The following NAPB variants were observed in gnomAD, a reference collection of about 807,000 sequenced individuals.
NAPB encodes the protein beta-soluble NSF attachment protein.
Under a neutral mutation model 44.7 loss-of-function variants are expected in NAPB, and 26 were observed. The ratio of observed to expected loss-of-function variants is 0.58; its 90% confidence interval spans 0.43 to 0.81. NAPB has a LOEUF of 0.81. NAPB is among the 30% of genes least tolerant of loss of function. The pLI is 0.00. For missense variants in NAPB, 315 were observed against 356.4 expected, an observed-to-expected ratio of 0.88 and a Z score of 0.94; for synonymous variants, 120 against 116.8, an observed-to-expected ratio of 1.03 and a Z score of -0.18.
At chr20:23,399,280 T>G (rs981982057) in intron 2 of NAPB, among the ~76,000 whole-genome samples, 3 of 152,148 alleles carry the variant, frequency 2.0e-5, no homozygotes, top group Non-Finnish European at 2.9e-5. Context: ...GATATCCAAT[T>G]TGACAGTATT....
intron 5 of NAPB, 83 bp from the exon 6 acceptor site, chr20:23,390,347 T>A (rs548788590): frequency 1.1e-3 from 1,266 of 1,161,764 alleles, no homozygotes; most frequent in Non-Finnish European, 1.5e-3. Context: ...TATTTTTCCA[T>A]AAATAAACCT....
At position 23,377,326 on chromosome 20, in the gene NAPB, A is replaced by T; in HGVS notation, c.*50T>A. 7.9e-7 allele frequency: 1 copy of T among 1,267,638 alleles called. No individual in the cohort carries two copies. The highest frequency in any genetic ancestry group is 1.1e-6 in the Non-Finnish European group (1 of 895,786). 78.5% of individuals were successfully genotyped at this position (1,267,638 alleles called of 1,614,324 possible). A position where few individuals can be genotyped will look rare whatever the true frequency, so the allele number is the denominator to read the frequency against. On this transcript the variant is annotated 3_prime_UTR_variant, in exon 11 of 11. Coordinates refer to ENST00000377026, the MANE Select transcript of NAPB (RefSeq NM_022080.3). ...CATCCCATAAAGATCACTTGACCCT[A>T]AGACAAAACTAAAGAGGAGTTAGCT...
At chr20:23,398,060 C>T (rs1463915531) in intron 2 of NAPB, among the ~76,000 whole-genome samples, 3 of 152,142 alleles carry the variant, frequency 2.0e-5, no homozygotes, top group Non-Finnish European at 4.4e-5. Context: ...GACAAGCCTG[C>T]CCTGACTGGA....
chr20:23,382,892 C>T (rs930978495), intron 7 of NAPB, among the ~76,000 whole-genome samples: 32 of 152,264 alleles, frequency 2.1e-4, no homozygotes, highest in African/African-American at 6.0e-4. Context: ...TGGTGGCTCA[C>T]GCCTGTAATC....
intron 5 of NAPB, among the ~76,000 whole-genome samples, chr20:23,394,604 T>G (rs534030708): frequency 6.6e-6 from 1 of 152,346 alleles, no homozygotes; most frequent in East Asian, 1.9e-4. Context: ...CCTCTTACAC[T>G]TTCTTCACTG....
intron 7 of NAPB, among the ~76,000 whole-genome samples, chr20:23,389,437 C>T (rs1983787321): frequency 1.3e-5 from 2 of 152,076 alleles, no homozygotes; most frequent in African/African-American, 2.4e-5. Flanking sequence ...ACTAAAAACA[C>T]CACCACAAAA....
intron 1 of NAPB, among the ~76,000 whole-genome samples, chr20:23,417,919 T>C (rs1013189703): frequency 1.3e-5 from 2 of 152,170 alleles, no homozygotes; most frequent in African/African-American, 2.4e-5. Flanking sequence ...TAAATACATA[T>C]GCATATTTTC....
chr20:23,378,364 T>C (rs1982693904), intron 10 of NAPB, among the ~76,000 whole-genome samples: 1 of 150,278 alleles, frequency 6.7e-6, no homozygotes, highest in South Asian at 2.1e-4. Context: ...ATTCTAAACA[T>C]GAGATGGCAA....
chr20:23,420,351 G>C (rs1251271953), intron 1 of NAPB, among the ~76,000 whole-genome samples: 1 of 152,200 alleles, frequency 6.6e-6, no homozygotes, highest in South Asian at 2.1e-4. Flanking sequence ...ATCAATCTCC[G>C]GAGAAGGAAA....
chr20:23,386,675 T>C (rs945515080), intron 7 of NAPB, among the ~76,000 whole-genome samples: 5 of 152,212 alleles, frequency 3.3e-5, no homozygotes, highest in African/African-American at 4.8e-5. Flanking sequence ...GGCAGCAGTC[T>C]ACGCTTATTT....
intron 7 of NAPB, among the ~76,000 whole-genome samples, chr20:23,385,765 G>A (rs1983465115): frequency 8.6e-6 from 1 of 116,520 alleles, no homozygotes; most frequent in Non-Finnish European, 1.8e-5. Flanking sequence ...AAGAGAGAAA[G>A]AGAGAGAGAG....
In NAPB at chr20:23,403,023, T is replaced by C. The variant is rs1341739264; in HGVS notation, c.148A>G (p.Asn50Asp). ...CAATTTTTAGCCATCTTGAACATAT[T>C]TGCAGCTCTGGTATACATTTCACAA... is the stretch of plus-strand genomic sequence containing the variant. ...EACEMYTRAANMFKMAKNWSA... is the reference protein window; with the variant it reads ...EACEMYTRAADMFKMAKNWSA... Residue 50 changes from asparagine (N) to aspartate (D), a missense_variant, in exon 2 of 11, where the codon AAT becomes GAT. Transcript: ENST00000377026. 1.2e-6 allele frequency: 2 copies of C among 1,613,958 alleles called. No homozygotes were observed. The highest frequency in any genetic ancestry group is 8.5e-7 in the Non-Finnish European group (1 of 1,179,930).
chr20:23,405,886 G>A (rs1340118192), intron 1 of NAPB, among the ~76,000 whole-genome samples: 4 of 152,186 alleles, frequency 2.6e-5, no homozygotes, highest in Non-Finnish European at 5.9e-5. Context: ...CAAATTTTTA[G>A]AGACAGAAAA....
At chr20:23,416,590 G>C (rs1033969537) in intron 1 of NAPB, among the ~76,000 whole-genome samples, 1 of 151,644 alleles carries the variant, frequency 6.6e-6, no homozygotes, top group Non-Finnish European at 1.5e-5. Context: ...TATTTCTTAC[G>C]TATATTATAT....
chr20:23,385,787 GAGAA>G lies in NAPB; in HGVS notation c.561+4155_561+4158del, dbSNP rs1209563947. On this transcript the variant is annotated intron_variant, in intron 7 of 10. Transcript: ENST00000377026. ...AAAGAGAGAGAGAGAGAGAGAGAAA[GAGAA>G]AGAAAGAAAGATCAGCAAGTATATT... is the stretch of plus-strand genomic sequence containing the variant. 3.9e-3 allele frequency among the ~76,000 whole-genome samples: 590 copies of G among 151,778 alleles called. 2 individuals are homozygous for G. Among genetic ancestry groups the G allele is most frequent in the African/African-American group, 0.013 (529 of 41,384 alleles).
chr20:23,418,101 G>C (rs1016628), intron 1 of NAPB, among the ~76,000 whole-genome samples: 89,115 of 152,056 alleles, frequency 0.59, 28,603 homozygotes, highest in East Asian at 0.88. Flanking sequence ...ATGCCAAGCA[G>C]CTTTTAATGA....
intron 1 of NAPB, among the ~76,000 whole-genome samples, chr20:23,408,132 C>A (rs1352788819): frequency 6.6e-6 from 1 of 152,124 alleles, no homozygotes; most frequent in African/African-American, 2.4e-5. Context: ...GCATGTAGAA[C>A]CAGAGGCAAA....
chr20:23,379,675 A>G, intron 9 of NAPB, 180 bp from the exon 10 acceptor site: 1 of 662,712 alleles, frequency 1.5e-6, no homozygotes, highest in Non-Finnish European at 2.6e-6. Flanking sequence ...TCAGGTGCCT[A>G]TTTCAGAACA....
At chr20:23,397,026 G>C in intron 3 of NAPB, 46 bp downstream of exon 3, 1 of 1,579,410 alleles carries the variant, frequency 6.3e-7, no homozygotes, top group Non-Finnish European at 8.7e-7. Context: ...GTACTGACTG[G>C]TTAGTTACAC....
Sources: allele counts gnomAD v4.1 joint callset (sites outside exome capture counted in the v4.1 genomes callset), GRCh38; gene constraint gnomAD v4.1.1; transcripts MANE v1.5; gene names NCBI Gene and HGNC (gene_info 2026-07-23, HGNC 2026-07-21).